The following DFFB variants were observed in gnomAD, a reference collection of about 807,000 sequenced individuals.
DFFB encodes DNA fragmentation factor 40 kDa subunit.
In DFFB, 29 loss-of-function variants were observed where a neutral mutation model predicts 32.7. The ratio of observed to expected loss-of-function variants is 0.89; its 90% CI spans 0.66 to 1.21. The LOEUF is 1.21. Ranked by LOEUF, DFFB falls within the 50% of genes most tolerant of loss-of-function variation. The pLI is 0.00. For missense variants in DFFB, 398 were observed against 440.6 expected (o/e 0.90, Z 0.87); for synonymous variants, 170 against 177.1 (o/e 0.96, Z 0.32).
intron 2 of DFFB, among the ~76,000 whole-genome samples, chr1:3,859,926 T>TG (rs1314117930): frequency 1.3e-5 from 2 of 152,154 alleles, no homozygotes; most frequent in Non-Finnish European, 2.9e-5. Context: ...TGTCTCTCCC[T>TG]GCATCTCGCA....
chr1:3,865,884 A>G lies in DFFB; in HGVS notation c.314A>G (p.Gln105Arg), dbSNP rs758096361. The change falls in exon 3 of 7, where the codon CAG (glutamine) becomes CGG (arginine). Residue 105 changes from glutamine (Q) to arginine (R), a missense_variant. Physicochemically the swap from Gln to Arg is conservative, Grantham distance 43. Transcript: ENST00000378209. The surrounding 1 kb of genome is among the most constrained non-coding windows in gnomAD (Gnocchi z 4.7). Reference protein sequence around the residue: ...PQVGLIQAAQQLLCDEQAPQR... With the variant: ...PQVGLIQAAQRLLCDEQAPQR... ...GTGGGGCTCATCCAGGCCGCCCAGC[A>G]GCTGCTGTGTGATGAGCAGGCCCCA... 2 of 1,614,026 alleles carry G rather than the reference A, an allele frequency of 1.2e-6. No individual in the cohort carries two copies. Among genetic ancestry groups the G allele is most frequent in the Non-Finnish European group, 1.7e-6 (2 of 1,179,946 alleles).
rs1638274026 is a variant in DFFB at position 3,883,995 on chromosome 1, C to T, written c.*254C>T. The T allele has an allele frequency of 1.1e-5, 5 of 457,440 alleles. No homozygotes were observed. Among genetic ancestry groups the T allele is most frequent in the African/African-American group, 2.0e-5 (1 of 50,918 alleles). The allele number at this position is 457,440 out of a possible 1,614,324, so 28.3% of individuals were successfully genotyped here. ...AGGCTGGAGTGTAGTGGCGCGATCTCGGCTCAGCCTCCCGAGTAGCTGGGA... is the reference window on the plus strand; with the variant it reads ...AGGCTGGAGTGTAGTGGCGCGATCTTGGCTCAGCCTCCCGAGTAGCTGGGA... On this transcript the variant is annotated 3_prime_UTR_variant, in exon 7 of 7. Coordinates refer to ENST00000378209, the MANE Select transcript of DFFB (RefSeq NM_004402.4).
intron 6 of DFFB, among the ~76,000 whole-genome samples, chr1:3,873,535 A>G (rs1375748598): frequency 6.7e-6 from 1 of 150,304 alleles, no homozygotes; most frequent in South Asian, 2.1e-4. Flanking sequence ...GCTGGAGTGC[A>G]ATGATGTGAT....
In DFFB at chr1:3,868,686, C is replaced by CAGGCCACGCT. The variant is rs1553169103; in HGVS notation, c.510+634_510+635insGGCCACGCTA. ...CACACCACACCACACCACGCCACAC[C>CAGGCCACGCT]ACACCAGGCCACACCACACCAGGCC... On this transcript the variant is annotated intron_variant, in intron 4 of 6. Coordinates refer to ENST00000378209, the MANE Select transcript of DFFB (RefSeq NM_004402.4). Among the ~76,000 whole-genome samples the CAGGCCACGCT allele has an allele frequency of 2.2e-4, 16 of 71,748 alleles. 2 individuals carry two copies. The highest frequency in any genetic ancestry group is 3.2e-4 in the Non-Finnish European group (11 of 34,628). The allele number at this position is 71,748 out of a possible 152,430, so 47.1% of individuals were successfully genotyped here. A position where few individuals can be genotyped will look rare whatever the true frequency, so the allele number is the denominator to read the frequency against.
intron 4 of DFFB, among the ~76,000 whole-genome samples, 154 bp from the exon 5 acceptor site, chr1:3,869,451 C>T (rs1645065648): frequency 6.6e-6 from 1 of 152,226 alleles, no homozygotes; most frequent in South Asian, 2.1e-4. Flanking sequence ...GACAGCCCAG[C>T]AGTGGCCGAG....
At chr1:3,875,816 G>A (rs555022549) in intron 6 of DFFB, among the ~76,000 whole-genome samples, 11 of 152,058 alleles carry the variant, frequency 7.2e-5, no homozygotes, top group South Asian at 4.2e-4. Flanking sequence ...TCACTCTGTC[G>A]CCCAGGCTGG....
chr1:3,879,257 T>G lies in DFFB; in HGVS notation c.783-4250T>G, dbSNP rs1156684811. Among the ~76,000 whole-genome samples the G allele has an allele frequency of 2.6e-5, 4 of 152,206 alleles. No homozygotes were observed. In the East Asian group the frequency reaches 7.7e-4, roughly 29 times the overall value. The stretch of plus-strand genomic sequence containing the variant: ...GCTTCTGCGTTGATGAGGTGTGGCT[T>G]CTCTTTGATTCTGCCTGTGCGGTTT... On this transcript the variant is annotated intron_variant, in intron 6 of 6. Coordinates refer to ENST00000378209, the MANE Select transcript of DFFB (RefSeq NM_004402.4).
At chr1:3,882,000 C>T (rs1479492353) in intron 6 of DFFB, among the ~76,000 whole-genome samples, 1 of 151,842 alleles carries the variant, frequency 6.6e-6, no homozygotes. Flanking sequence ...CCACTTGTTA[C>T]TGCACAGTCT....
chr1:3,874,161 A>G (rs950029999), intron 6 of DFFB, among the ~76,000 whole-genome samples: 15 of 150,518 alleles, frequency 1.0e-4, no homozygotes, highest in Non-Finnish European at 1.8e-4. Flanking sequence ...TGAGTTTAAC[A>G]TGCACGTACG....
intron 2 of DFFB, among the ~76,000 whole-genome samples, chr1:3,859,821 G>A (rs1644844372): frequency 1.3e-5 from 2 of 152,338 alleles, no homozygotes; most frequent in South Asian, 2.1e-4. Context: ...GGGCTGGGCA[G>A]GGGTATGCTC....
chr1:3,876,414 A>G (rs866594925), intron 6 of DFFB, among the ~76,000 whole-genome samples: 4 of 152,164 alleles, frequency 2.6e-5, no homozygotes, highest in Middle Eastern at 6.8e-3. Flanking sequence ...CTGCGGTTAT[A>G]TTTTCTCTCA....
intron 2 of DFFB, chr1:3,860,611 C>A: frequency 4.2e-6 from 1 of 238,410 alleles, no homozygotes. Flanking sequence ...CCCTTTCCCT[C>A]AAAGGCAACA....
chr1:3,868,878 C>T (rs572304838), intron 4 of DFFB, among the ~76,000 whole-genome samples: 11 of 152,378 alleles, frequency 7.2e-5, no homozygotes, highest in South Asian at 2.1e-4. Flanking sequence ...CACTGCACCC[C>T]GTTTTTCTGC....
chr1:3,868,173 G>T, intron 4 of DFFB, 120 bp downstream of exon 4: 1 of 907,292 alleles, frequency 1.1e-6, no homozygotes, highest in Non-Finnish European at 1.8e-6. Context: ...TGCTTGCGTG[G>T]ATCTGGTGGG....
chr1:3,868,292 C>T (rs1050414370), intron 4 of DFFB, among the ~76,000 whole-genome samples: 8 of 152,052 alleles, frequency 5.3e-5, no homozygotes, highest in African/African-American at 1.4e-4. Flanking sequence ...GGTTGGGGAG[C>T]GGGGAGGTGG....
At chr1:3,868,551 G>A (rs1222026072) in intron 4 of DFFB, among the ~76,000 whole-genome samples, 1 of 22,326 alleles carries the variant, frequency 4.5e-5, no homozygotes, top group Non-Finnish European at 1.1e-4. Flanking sequence ...CCACCCCATC[G>A]AATGTGGATT....
intron 6 of DFFB, among the ~76,000 whole-genome samples, chr1:3,878,282 G>T (rs1241200464): frequency 6.6e-6 from 1 of 152,026 alleles, no homozygotes; most frequent in Non-Finnish European, 1.5e-5. Context: ...CTCCAGAGTA[G>T]CTGGGATTAC....
chr1:3,877,104 C>T (rs997853924), intron 6 of DFFB, among the ~76,000 whole-genome samples: 2 of 152,188 alleles, frequency 1.3e-5, no homozygotes, highest in Admixed American at 6.5e-5. Context: ...CCTGTGTGAG[C>T]CCTGCCGCTG....
chr1:3,882,505 C>G (rs1299582870), intron 6 of DFFB, among the ~76,000 whole-genome samples: 1 of 152,028 alleles, frequency 6.6e-6, no homozygotes, highest in African/African-American at 2.4e-5. Context: ...GCTGGGATTA[C>G]AGGCATGCAT....
Sources: allele counts gnomAD v4.1 joint callset (sites outside exome capture counted in the v4.1 genomes callset), GRCh38; gene constraint gnomAD v4.1.1; non-coding constraint Gnocchi (gnomAD v3.1); transcripts MANE v1.5; gene names NCBI Gene and HGNC (gene_info 2026-07-23, HGNC 2026-07-21).